The following MGAT4C variants were observed in gnomAD, a reference collection of about 807,000 sequenced individuals.
MGAT4C encodes the protein alpha-1,3-mannosyl-glycoprotein 4-beta-N-acetylglucosaminyltransferase C.
Under a neutral mutation model 40.1 loss-of-function variants are expected in MGAT4C, and 19 were observed. The ratio of observed to expected loss-of-function variants is 0.47; its 90% confidence interval spans 0.33 to 0.70. MGAT4C has a LOEUF of 0.70. Among genes scored for constraint, MGAT4C ranks in the 30% least tolerant of loss-of-function variants. The pLI is 0.02. For synonymous variants in MGAT4C, 181 were observed against 187.1 expected, an observed-to-expected ratio of 0.97 and a Z score of 0.27; for missense variants, 491 against 563.2, an observed-to-expected ratio of 0.87 and a Z score of 1.30.
At chr12:86,261,076 T>TAAA (rs920295239), upstream of MGAT4C, among the ~76,000 whole-genome samples, 2 of 152,094 alleles carry the variant, frequency 1.3e-5, no homozygotes, top group African/African-American at 4.8e-5. Flanking sequence ...CATGATAAAG[T>TAAA]AAAACTGTGT....
chr12:86,184,234 G>A (rs577759977), intron 1 of MGAT4C, among the ~76,000 whole-genome samples: 1 of 151,946 alleles, frequency 6.6e-6, no homozygotes, highest in Non-Finnish European at 1.5e-5. Context: ...AAAATTAGCT[G>A]GGCATGGTGG....
chr12:86,199,842 C>T (rs1314604733), intron 1 of MGAT4C, among the ~76,000 whole-genome samples: 1 of 151,872 alleles, frequency 6.6e-6, no homozygotes, highest in Non-Finnish European at 1.5e-5. Flanking sequence ...CTAAAACTTG[C>T]CAATGAATAT....
intron 2 of MGAT4C, among the ~76,000 whole-genome samples, chr12:86,704,904 C>T (rs1016386610): frequency 6.6e-5 from 10 of 152,084 alleles, no homozygotes; most frequent in Admixed American, 3.9e-4. Context: ...TCTTCATTAA[C>T]ATTAGCAGCA....
chr12:86,094,509 A>G (rs1873531653), intron 1 of MGAT4C, among the ~76,000 whole-genome samples: 1 of 152,148 alleles, frequency 6.6e-6, no homozygotes, highest in South Asian at 2.1e-4. Context: ...TATTTTATAT[A>G]CTATTTTAAA....
intron 2 of MGAT4C, among the ~76,000 whole-genome samples, chr12:86,670,383 AAAACAAAC>A (rs764093671): frequency 2.6e-5 from 4 of 152,166 alleles, no homozygotes; most frequent in South Asian, 2.1e-4. Context: ...TCTGGAATTT[AAAACAAAC>A]AAACAAACAA....
intron 1 of MGAT4C, among the ~76,000 whole-genome samples, chr12:86,248,366 A>G (rs1952129975): frequency 6.6e-6 from 1 of 152,040 alleles, no homozygotes. Flanking sequence ...AATACCCTCT[A>G]TGATTTGTGA....
chr12:86,265,272 C>A (rs1334554999), intron 4 of MGAT4C, among the ~76,000 whole-genome samples: 1 of 152,326 alleles, frequency 6.6e-6, no homozygotes, highest in East Asian at 1.9e-4. Flanking sequence ...GCAGAACGAG[C>A]CCAGCAGGCC....
chr12:86,736,081 A>G (rs1950981317), intron 1 of MGAT4C, among the ~76,000 whole-genome samples: 1 of 151,766 alleles, frequency 6.6e-6, no homozygotes, highest in African/African-American at 2.4e-5. Flanking sequence ...TTCTTTACTC[A>G]TTGTAATTCT....
At chr12:86,410,062 TAAAGATCACAAGGCAAAGGGCAAAGC>T (rs1592808346) in intron 3 of MGAT4C, among the ~76,000 whole-genome samples, 1 of 151,852 alleles carries the variant, frequency 6.6e-6, no homozygotes, top group South Asian at 2.1e-4. Context: ...TAAAGGGCAA[TAAAGATCACAAGGCAAAGGGCAAAGC>T]AAAGATCACA....
chr12:86,527,382 A>G (rs1483181978), intron 2 of MGAT4C, among the ~76,000 whole-genome samples: 1 of 152,180 alleles, frequency 6.6e-6, no homozygotes, highest in Non-Finnish European at 1.5e-5. Flanking sequence ...GTACAACACC[A>G]TTTTTATTAC....
chr12:86,563,604 G>T (rs1388764321), intron 2 of MGAT4C, among the ~76,000 whole-genome samples: 1 of 152,156 alleles, frequency 6.6e-6, no homozygotes, highest in Non-Finnish European at 1.5e-5. Context: ...CTACTGAAAA[G>T]TTATTCTGTT....
At chr12:86,165,744 T>C (rs969267644) in intron 1 of MGAT4C, among the ~76,000 whole-genome samples, 3 of 152,264 alleles carry the variant, frequency 2.0e-5, no homozygotes, top group Non-Finnish European at 2.9e-5. Context: ...CAATATTCTA[T>C]TTCTCAAACT....
intron 2 of MGAT4C, among the ~76,000 whole-genome samples, chr12:85,997,848 T>C (rs968497856): frequency 5.3e-5 from 8 of 152,176 alleles, no homozygotes; most frequent in African/African-American, 1.9e-4. Context: ...GTGCAAGCTG[T>C]CAGTGGATCT....
chr12:86,570,547 A>G (rs954260703), intron 2 of MGAT4C, among the ~76,000 whole-genome samples: 35 of 152,162 alleles, frequency 2.3e-4, no homozygotes, highest in African/African-American at 8.4e-4. Flanking sequence ...TCCATTTAAA[A>G]TGGCTCAAAA....
At chr12:86,765,846 C>A (rs2136159674) in intron 1 of MGAT4C, among the ~76,000 whole-genome samples, 1 of 152,220 alleles carries the variant, frequency 6.6e-6, no homozygotes, top group Admixed American at 6.5e-5. Context: ...CAGGCCTGCC[C>A]TAAAAGAGCT....
chr12:86,260,016 A>G (rs1566238010), upstream of MGAT4C, among the ~76,000 whole-genome samples: 1 of 152,192 alleles, frequency 6.6e-6, no homozygotes, highest in East Asian at 2.0e-4. Context: ...GCATTTTACT[A>G]TTCATTAGCA....
At chr12:86,258,239 C>CCTCCCAGAA (rs1462823353), upstream of MGAT4C, among the ~76,000 whole-genome samples, 1 of 151,438 alleles carries the variant, frequency 6.6e-6, no homozygotes, top group East Asian at 1.9e-4. Context: ...GAGTTTTAAC[C>CCTCCCAGAA]CTCCCAGAAT....
intron 1 of MGAT4C, among the ~76,000 whole-genome samples, chr12:86,078,316 T>C (rs1042781417): frequency 6.6e-6 from 1 of 152,128 alleles, no homozygotes; most frequent in Non-Finnish European, 1.5e-5. Context: ...GGGAACATGG[T>C]AAGACCAGTG....
At chr12:86,082,865 C>A (rs1370667987) in intron 1 of MGAT4C, among the ~76,000 whole-genome samples, 4 of 151,436 alleles carry the variant, frequency 2.6e-5, no homozygotes, top group Non-Finnish European at 4.4e-5. Flanking sequence ...GCATTTTACT[C>A]TTTGTCAAGA....
Sources: allele counts gnomAD v4.1 joint callset (sites outside exome capture counted in the v4.1 genomes callset), GRCh38; gene constraint gnomAD v4.1.1; transcripts MANE v1.5; gene names NCBI Gene and HGNC (gene_info 2026-07-23, HGNC 2026-07-21).